CDC73: variants seen among roughly 807,000 people sequenced by gnomAD.
CDC73 encodes the protein parafibromin.
Under a neutral mutation model 83.7 loss-of-function variants are expected in CDC73, and 21 were observed. The ratio of observed to expected loss-of-function variants is 0.25; its 90% confidence interval spans 0.18 to 0.36. The LOEUF is 0.36. Among genes scored for constraint, CDC73 ranks in the 10% least tolerant of loss-of-function variants. The probability of loss-of-function intolerance (pLI) is 1.00; values close to 1 mark genes in which losing one functional copy is unlikely to be tolerated. For missense variants in CDC73, 342 were observed against 653.3 expected (o/e 0.52, Z 5.19); for synonymous variants, 224 against 212.9 (o/e 1.05, Z -0.45).
intron 9 of CDC73, 80 bp from the exon 10 acceptor site, chr1:193,152,300 G>A: frequency 1.2e-6 from 1 of 867,618 alleles, no homozygotes; most frequent in Non-Finnish European, 1.9e-6. Context: ...ATTCAATGTA[G>A]ATTATTACTT....
intron 10 of CDC73, among the ~76,000 whole-genome samples, chr1:193,162,330 ATAC>A (rs1355277632): frequency 2.9e-5 from 4 of 136,208 alleles, no homozygotes; most frequent in Non-Finnish European, 4.6e-5. Flanking sequence ...TATATACTAT[ATAC>A]TATATATTAT....
intron 11 of CDC73, among the ~76,000 whole-genome samples, chr1:193,204,093 A>G (rs1208309234): frequency 6.6e-6 from 1 of 151,830 alleles, no homozygotes; most frequent in Non-Finnish European, 1.5e-5. Flanking sequence ...TAGCAGAAAG[A>G]CATAAATAAA....
At chr1:193,222,704 GTT>G (rs1558316143) in intron 13 of CDC73, among the ~76,000 whole-genome samples, 2 of 142,846 alleles carry the variant, frequency 1.4e-5, no homozygotes, top group Non-Finnish European at 3.0e-5. Context: ...GCGTATTGGT[GTT>G]TTTCATCAGT....
At chr1:193,163,502 G>GC (rs1676378420) in intron 10 of CDC73, among the ~76,000 whole-genome samples, 3 of 151,766 alleles carry the variant, frequency 2.0e-5, no homozygotes, top group Admixed American at 6.6e-5. Flanking sequence ...ATGAGACCCT[G>GC]CCCGCCCCCC....
At chr1:193,146,002 A>T (rs918753703) in intron 7 of CDC73, among the ~76,000 whole-genome samples, 3 of 152,128 alleles carry the variant, frequency 2.0e-5, no homozygotes, top group African/African-American at 7.2e-5. Context: ...CTTAGTTGAG[A>T]GTAAAGAGGA....
Position 193,147,865 on chromosome 1 carries a change from A to T in CDC73, c.730-2A>T. On this transcript the variant is annotated splice_acceptor_variant, in intron 7 of 16. Transcript: ENST00000367435. LOFTEE classifies it high-confidence loss of function. Reference sequence around the variant, plus strand: ...CTTAATTAAAATCCATTTATATTTTAGAATTTTTCCAAGAACATTTTTGCA... The same window carrying T: ...CTTAATTAAAATCCATTTATATTTTTGAATTTTTCCAAGAACATTTTTGCA... 6.5e-7 allele frequency: 1 copy of T among 1,550,166 alleles called. No individual in the cohort carries two copies. Among genetic ancestry groups the T allele is most frequent in the Non-Finnish European group, 8.9e-7 (1 of 1,125,102 alleles).
chr1:193,220,765 G>GT (rs1677456150), intron 13 of CDC73, among the ~76,000 whole-genome samples: 1 of 152,120 alleles, frequency 6.6e-6, no homozygotes. Flanking sequence ...GCAGATGTGA[G>GT]TTTTTTGATT....
At chr1:193,214,114 G>A (rs1677321396) in intron 13 of CDC73, among the ~76,000 whole-genome samples, 1 of 152,108 alleles carries the variant, frequency 6.6e-6, no homozygotes, top group Non-Finnish European at 1.5e-5. Flanking sequence ...CTTTCCCTAT[G>A]TAGTTGGTAA....
chr1:193,246,139 C>T (rs1379387347), intron 15 of CDC73, among the ~76,000 whole-genome samples: 5 of 151,984 alleles, frequency 3.3e-5, no homozygotes, highest in African/African-American at 9.7e-5. Context: ...TTGATATAAT[C>T]TCATTTGTTT....
chr1:193,249,687 TA>T lies in CDC73; in HGVS notation c.1418-42del. On this transcript the variant is annotated intron_variant, in intron 15 of 16. Coordinates refer to ENST00000367435, the MANE Select transcript of CDC73 (RefSeq NM_024529.5). ...ATAAAGAAATTTTTTTCTTTTTTTT[TA>T]TTTTGAGTAAAAATGATAACTTCTC... 3 of 1,525,718 alleles carry T rather than the reference TA, an allele frequency of 2.0e-6. No individual in the cohort carries two copies. In the South Asian group the frequency reaches 3.4e-5, roughly 17 times the overall value. The allele number at this position is 1,525,718 out of a possible 1,614,324, so 94.5% of individuals were successfully genotyped here.
intron 10 of CDC73, among the ~76,000 whole-genome samples, chr1:193,161,403 C>G (rs1471019871): frequency 6.6e-6 from 1 of 150,516 alleles, no homozygotes; most frequent in Non-Finnish European, 1.5e-5. Context: ...AGACAAAAGT[C>G]ATACCATAGA....
At chr1:193,209,407 T>C (rs530278236) in intron 11 of CDC73, among the ~76,000 whole-genome samples, 11 of 152,188 alleles carry the variant, frequency 7.2e-5, no homozygotes, top group South Asian at 2.1e-4. Flanking sequence ...TATCAAGATA[T>C]AGAAACTATT....
At chr1:193,190,817 C>T (rs1676905715) in intron 10 of CDC73, among the ~76,000 whole-genome samples, 1 of 152,158 alleles carries the variant, frequency 6.6e-6, no homozygotes, top group African/African-American at 2.4e-5. Context: ...AGGAATAATA[C>T]TCTTAGAGCT....
chr1:193,205,203 C>G lies in CDC73; in HGVS notation c.1030+1351C>G, dbSNP rs992922787. Among the ~76,000 whole-genome samples, 20 of 120,432 alleles carry G rather than the reference C, an allele frequency of 1.7e-4. 1 individual carries two copies. Among genetic ancestry groups the G allele is most frequent in the Admixed American group, 9.7e-4 (12 of 12,418 alleles). The allele number at this position is 120,432 out of a possible 152,430, so 79.0% of individuals were successfully genotyped here. The stretch of plus-strand genomic sequence containing the variant: ...CTAGGCTATACCACCTGTCCCCCCC[C>G]CCCCCTTTTTTTTTAAACTCATCAG... On this transcript the variant is annotated intron_variant, in intron 11 of 16. Coordinates refer to ENST00000367435, the MANE Select transcript of CDC73 (RefSeq NM_024529.5).
intron 14 of CDC73, among the ~76,000 whole-genome samples, chr1:193,235,054 G>A (rs757850783): frequency 6.6e-6 from 1 of 152,002 alleles, no homozygotes; most frequent in Non-Finnish European, 1.5e-5. Flanking sequence ...GTCTGCAGTC[G>A]TCATTAATTG....
chr1:193,132,781 G>A (rs576785927), intron 3 of CDC73, among the ~76,000 whole-genome samples: 4 of 152,040 alleles, frequency 2.6e-5, no homozygotes, highest in Admixed American at 6.5e-5. Context: ...CTTAAGCATC[G>A]CAGGTGAGCC....
At position 193,249,882 on chromosome 1, in the gene CDC73, T is replaced by A. The variant is rs2102073674; in HGVS notation, c.1559+11T>A. The A allele has an allele frequency of 6.2e-7, 1 of 1,611,358 alleles. No individual in the cohort carries two copies. Among genetic ancestry groups the A allele is most frequent in the Non-Finnish European group, 8.5e-7 (1 of 1,177,802 alleles). Reference sequence around the variant, plus strand: ...GGAAACATTGGACAGGTAATTCCGATTCTAAAATATGCTTGTGTGTGTTTT... The same window carrying A: ...GGAAACATTGGACAGGTAATTCCGAATCTAAAATATGCTTGTGTGTGTTTT... On this transcript the variant is annotated intron_variant, in intron 16 of 16. Transcript: ENST00000367435.
intron 10 of CDC73, among the ~76,000 whole-genome samples, chr1:193,154,404 T>G (rs1311700146): frequency 6.6e-6 from 1 of 152,212 alleles, no homozygotes; most frequent in African/African-American, 2.4e-5. Context: ...TAAGGATAGC[T>G]TCTTTATTGA....
At chr1:193,242,529 A>G (rs1222108322) in intron 15 of CDC73, among the ~76,000 whole-genome samples, 1 of 151,922 alleles carries the variant, frequency 6.6e-6, no homozygotes, top group African/African-American at 2.4e-5. Context: ...TTATCTACTC[A>G]CTGTTTTGGT....
Sources: allele counts gnomAD v4.1 joint callset (sites outside exome capture counted in the v4.1 genomes callset), GRCh38; gene constraint gnomAD v4.1.1; transcripts MANE v1.5; gene names NCBI Gene and HGNC (gene_info 2026-07-23, HGNC 2026-07-21).